CDHR2: variants seen among roughly 807,000 people sequenced by gnomAD.
The protein encoded by CDHR2 is cadherin related family member 2, also known as cadherin-related family member 2.
In CDHR2, 104 loss-of-function variants were observed where a neutral mutation model predicts 138.6. The ratio of observed to expected loss-of-function variants is 0.75; its 90% CI spans 0.64 to 0.88. The LOEUF is 0.88. Among genes scored for constraint, CDHR2 ranks in the 40% least tolerant of loss-of-function variants. The probability of loss-of-function intolerance (pLI) is 0.00; values close to 1 mark genes in which losing one functional copy is unlikely to be tolerated. For missense variants in CDHR2, 1,624 were observed against 1,727.6 expected (o/e 0.94, Z 1.06); for synonymous variants, 755 against 742.8 (o/e 1.02, Z -0.27).
chr5:176,571,122 T>C (rs1391207578), intron 5 of CDHR2, 91 bp from the exon 6 acceptor site: 2 of 732,232 alleles, frequency 2.7e-6, no homozygotes, highest in Admixed American at 4.4e-5. Flanking sequence ...TTGATCTGGA[T>C]GAAGGACACC....
At chr5:176,562,548 G>C (rs4868652) in intron 1 of CDHR2, among the ~76,000 whole-genome samples, 70,012 of 151,938 alleles carry the variant, frequency 0.46, 16,689 homozygotes, top group Admixed American at 0.54. Flanking sequence ...CCAGGGCTGC[G>C]TGCTTACTTC....
Position 176,574,091 on chromosome 5 carries a change from CGTGGGCAGT to C in CDHR2, c.419_427del (p.Gly140_Val142del). The C allele has an allele frequency of 6.2e-7, 1 of 1,613,636 alleles. No individual in the cohort carries two copies. The highest frequency in any genetic ancestry group is 8.5e-7 in the Non-Finnish European group (1 of 1,179,736). On this transcript the variant is annotated inframe_deletion, in exon 7 of 32. Transcript: ENST00000261944. ...CGAGTCCCTCCCTGCAGACCCTGCC[CGTGGGCAGT>C]GTGGTGTTCTCCGTGCTGGCCGTGG...
rs1758245863 is a variant in CDHR2, at chr5:176,571,970, C to A, written c.405+668C>A. Among the ~76,000 whole-genome samples, 3 of 152,206 alleles carry A rather than the reference C, an allele frequency of 2.0e-5. No individual in the cohort carries two copies. The South Asian group carries it at 6.2e-4, about 32-fold the overall frequency. ...TTTGAAATCATATCTTCAGGCATGG[C>A]TGGATCCAGGTACTCAAATCACATC... On this transcript the variant is annotated intron_variant, in intron 6 of 31. Coordinates refer to ENST00000261944, the MANE Select transcript of CDHR2 (RefSeq NM_017675.6).
intron 31 of CDHR2, among the ~76,000 whole-genome samples, chr5:176,595,115 C>A (rs1758989683): frequency 6.6e-6 from 1 of 152,196 alleles, no homozygotes; most frequent in Admixed American, 6.5e-5. Context: ...AGGACATGTT[C>A]CCTCCCTCAG....
Position 176,574,052 on chromosome 5 carries a change from G to C in CDHR2, c.406-31G>C, listed in dbSNP as rs1294983231. The C allele has an allele frequency of 3.2e-6, 5 of 1,557,182 alleles. No individual in the cohort carries two copies. The South Asian group carries it at 5.6e-5, about 17-fold the overall frequency. ...ACAAGGGAGAGGAGGAGCTGGATTT[G>C]AGCTCATAGGTGACGAGTCCCTCCC... On this transcript the variant is annotated intron_variant, in intron 6 of 31. Coordinates refer to ENST00000261944, the MANE Select transcript of CDHR2 (RefSeq NM_017675.6).
intron 16 of CDHR2, 23 bp from the exon 17 acceptor site, chr5:176,581,320 C>G: frequency 6.2e-7 from 1 of 1,610,188 alleles, no homozygotes; most frequent in African/African-American, 1.3e-5. Context: ...TGGCCGATGA[C>G]CAACCCCTGC....
chr5:176,555,248 G>A (rs1757794759), intron 1 of CDHR2, among the ~76,000 whole-genome samples: 1 of 152,172 alleles, frequency 6.6e-6, no homozygotes, highest in African/African-American at 2.4e-5. Flanking sequence ...TTGAAGCTTT[G>A]GGGTCCACAT....
chr5:176,581,296 G>A (rs1758522445), intron 16 of CDHR2, 47 bp from the exon 17 acceptor site: 7 of 1,603,794 alleles, frequency 4.4e-6, no homozygotes, highest in Non-Finnish European at 5.9e-6. Flanking sequence ...GGGGCTGGGG[G>A]CTGGGAATGC....
At chr5:176,574,258 G>A in intron 7 of CDHR2, 86 bp downstream of exon 7, 2 of 1,016,496 alleles carry the variant, frequency 2.0e-6, no homozygotes, top group Non-Finnish European at 3.1e-6. Flanking sequence ...GAACGTTGGG[G>A]TGGGGACATT....
chr5:176,568,572 T>C, intron 3 of CDHR2, 106 bp from the exon 4 acceptor site: 1 of 1,303,874 alleles, frequency 7.7e-7, no homozygotes, highest in Non-Finnish European at 1.1e-6. Context: ...AAGTCAAGCC[T>C]GTGTACAGGG....
At chr5:176,586,118 C>A in intron 20 of CDHR2, 93 bp downstream of exon 20, 1 of 985,562 alleles carries the variant, frequency 1.0e-6, no homozygotes, top group South Asian at 1.4e-5. Flanking sequence ...CCAGGGGGAG[C>A]CTTTAGAAAG....
At position 176,587,463 on chromosome 5, in the gene CDHR2, A is replaced by T. The variant is rs1245176003; in HGVS notation, c.2856+621A>T. 2.2e-3 allele frequency among the ~76,000 whole-genome samples: 337 copies of T among 152,126 alleles called. 1 individual carries two copies. Among genetic ancestry groups the T allele is most frequent in the African/African-American group, 7.8e-3 (322 of 41,482 alleles). ...AACTCTGCCTCAAAAAAAAATAAAT[A>T]AATAAATAAATTATTGGAGCCAAGT... On this transcript the variant is annotated intron_variant, in intron 21 of 31. Transcript: ENST00000261944.
intron 6 of CDHR2, among the ~76,000 whole-genome samples, chr5:176,573,068 A>G (rs754886701): frequency 2.6e-5 from 4 of 152,296 alleles, no homozygotes; most frequent in Admixed American, 1.3e-4. Context: ...GAGAGACCTG[A>G]ATGGCAAGAA....
At position 176,595,609 on chromosome 5, in the gene CDHR2, C is replaced by T. The variant is rs140266714; in HGVS notation, c.3870C>T (p.Gly1290=). Residue 1290 remains glycine (G), a synonymous_variant, in exon 32 of 32, where the codon GGC becomes GGT. Coordinates refer to ENST00000261944, the MANE Select transcript of CDHR2 (RefSeq NM_017675.6). ...TGGTCCTGTTAGGACGGCAGGCAGG[C>T]GCAAGTGGACAGCTGGAGGGGCCAT... ...LSVVLLGRQA[G]ASGQLEGPSY... 4.9e-5 allele frequency: 79 copies of T among 1,612,658 alleles called. 1 individual carries two copies. In the South Asian group the frequency reaches 7.0e-4, roughly 14 times the overall value.
chr5:176,545,004 C>T (rs757922870), upstream of CDHR2, among the ~76,000 whole-genome samples: 9 of 152,206 alleles, frequency 5.9e-5, no homozygotes, highest in Admixed American at 5.2e-4. Context: ...GAAGGAGAGA[C>T]TTGCCTAACT....
chr5:176,554,477 G>T lies in CDHR2; in HGVS notation c.-16+5063G>T, dbSNP rs140680104. On this transcript the variant is annotated intron_variant, in intron 1 of 31. Transcript: ENST00000261944. The stretch of plus-strand genomic sequence containing the variant: ...CCCCGCTGCCTACCCTCATCACTTA[G>T]TGGGGTTATTATTCTCACAGGGGAG... Among the ~76,000 whole-genome samples the T allele has an allele frequency of 5.3e-3, 806 of 152,304 alleles. 15 individuals are homozygous for T. The highest frequency in any genetic ancestry group is 0.026 in the East Asian group (134 of 5,182).
upstream of CDHR2, among the ~76,000 whole-genome samples, chr5:176,544,722 G>T (rs977419422): frequency 6.6e-6 from 1 of 152,212 alleles, no homozygotes; most frequent in Non-Finnish European, 1.5e-5. Flanking sequence ...ACAGGCGTGA[G>T]CTACCGCGCC....
At position 176,586,081 on chromosome 5, in the gene CDHR2, G is replaced by A. The variant is rs969701518; in HGVS notation, c.2806+56G>A. ...CCCTGCTCCATAAGGCCGCCTTTGA[G>A]CAACCCCGACAGACCCTCCTTGGAC... is the stretch of plus-strand genomic sequence containing the variant. On this transcript the variant is annotated intron_variant, in intron 20 of 31. Coordinates refer to ENST00000261944, the MANE Select transcript of CDHR2 (RefSeq NM_017675.6). 2.5e-5 allele frequency: 36 copies of A among 1,452,796 alleles called. No individual in the cohort carries two copies. The African/African-American group carries it at 3.5e-4, about 14-fold the overall frequency. The allele number at this position is 1,452,796 out of a possible 1,614,324, so 90.0% of individuals were successfully genotyped here.
chr5:176,588,574 A>T (rs550514526), intron 21 of CDHR2, among the ~76,000 whole-genome samples: 5 of 138,018 alleles, frequency 3.6e-5, no homozygotes, highest in Admixed American at 7.2e-5. Flanking sequence ...AGTGTGTGAG[A>T]GTGTGTGTGA....
Sources: allele counts gnomAD v4.1 joint callset (sites outside exome capture counted in the v4.1 genomes callset), GRCh38; gene constraint gnomAD v4.1.1; transcripts MANE v1.5; gene names NCBI Gene and HGNC (gene_info 2026-07-23, HGNC 2026-07-21).